Variants in POPDC1 observed in about 807,000 individuals in gnomAD.
POPDC1 encodes popeye domain-containing protein 1.
At chr6:105,106,811 A>G in the POPDC1 span, among the ~76,000 whole-genome samples, 1 of 152,038 alleles carries the variant, frequency 6.6e-6, no homozygotes, top group Non-Finnish European at 1.5e-5. Context: ...TTTTTTTAGT[A>G]TAAAATATTT....
At chr6:105,105,569 C>G in the POPDC1 span, among the ~76,000 whole-genome samples, 3 of 152,230 alleles carry the variant, frequency 2.0e-5, no homozygotes, top group Non-Finnish European at 1.5e-5. Context: ...TGGAAAGATT[C>G]AGAGTCCATC....
At chr6:105,135,772 T>C in the POPDC1 span, among the ~76,000 whole-genome samples, 9 of 152,124 alleles carry the variant, frequency 5.9e-5, no homozygotes, top group Non-Finnish European at 1.2e-4. Context: ...TAATTGTCTA[T>C]TGTGAAATGC....
chr6:105,121,112 T>G, the POPDC1 span, among the ~76,000 whole-genome samples: 1 of 152,162 alleles, frequency 6.6e-6, no homozygotes, highest in Non-Finnish European at 1.5e-5. Flanking sequence ...AATAAAACTT[T>G]GATTTTTGGG....
chr6:105,117,191 T>C, the POPDC1 span, among the ~76,000 whole-genome samples: 1 of 152,318 alleles, frequency 6.6e-6, no homozygotes, highest in African/African-American at 2.4e-5. Context: ...CCACTGGACA[T>C]ATGACTTACA....
At chr6:105,127,353 C>A in the POPDC1 span, among the ~76,000 whole-genome samples, 1 of 152,156 alleles carries the variant, frequency 6.6e-6, no homozygotes, top group African/African-American at 2.4e-5. Flanking sequence ...TCAGAAAATG[C>A]AATCATTATC....
chr6:105,136,244 C>A, the POPDC1 span: 1 of 152,242 alleles, frequency 6.6e-6, no homozygotes, highest in Non-Finnish European at 1.5e-5. Flanking sequence ...TCAAAGCAGG[C>A]AGTTTCTGGG....
chr6:105,118,833 G>A, the POPDC1 span, among the ~76,000 whole-genome samples: 5 of 152,080 alleles, frequency 3.3e-5, no homozygotes, highest in Non-Finnish European at 7.4e-5. Context: ...TGCCAAATGA[G>A]AAGGACCAAA....
chr6:105,123,960 TG>T, the POPDC1 span, among the ~76,000 whole-genome samples: 1 of 152,194 alleles, frequency 6.6e-6, no homozygotes, highest in African/African-American at 2.4e-5. Flanking sequence ...AAGCATAAGA[TG>T]TTTTCTATAG....
chr6:105,125,427 G>C, the POPDC1 span: 2 of 1,614,180 alleles, frequency 1.2e-6, no homozygotes, highest in Non-Finnish European at 8.5e-7. Context: ...GTCATCAACT[G>C]AGGTTTTATC....
chr6:105,123,562 A>G, the POPDC1 span, among the ~76,000 whole-genome samples: 134,336 of 151,916 alleles, frequency 0.88, 60,242 homozygotes, highest in Non-Finnish European at 0.96. Context: ...CACCACGCCC[A>G]GCTAATTGTT....
chr6:105,115,920 G>C, the POPDC1 span: 2 of 1,321,114 alleles, frequency 1.5e-6, no homozygotes, highest in East Asian at 2.4e-5. Context: ...AAATACGTTA[G>C]TGCATTTAAA....
At chr6:105,107,793 G>A in the POPDC1 span, among the ~76,000 whole-genome samples, 3 of 152,170 alleles carry the variant, frequency 2.0e-5, no homozygotes, top group African/African-American at 7.2e-5. Context: ...TGGGAATGTG[G>A]AAGGATTTAA....
the POPDC1 span, chr6:105,097,646 T>C: frequency 6.6e-6 from 1 of 152,246 alleles, no homozygotes; most frequent in Non-Finnish European, 1.5e-5. Context: ...GACTCTGTCT[T>C]TGGGGCCGTG....
At chr6:105,129,409 A>C in the POPDC1 span, 1 of 1,612,094 alleles carries the variant, frequency 6.2e-7, no homozygotes, top group Non-Finnish European at 8.5e-7. Flanking sequence ...GATACGACAG[A>C]TGCAAAATGT....
chr6:105,119,680 G>A, the POPDC1 span, among the ~76,000 whole-genome samples: 80 of 152,210 alleles, frequency 5.3e-4, no homozygotes, highest in Middle Eastern at 6.8e-3. Flanking sequence ...GAAAAGAGTG[G>A]GTGAAGGAGT....
chr6:105,117,727 A>G, the POPDC1 span, among the ~76,000 whole-genome samples: 1 of 152,166 alleles, frequency 6.6e-6, no homozygotes, highest in African/African-American at 2.4e-5. Context: ...ATCAGCTGAC[A>G]CATCTGCCTG....
chr6:105,125,343 A>G, the POPDC1 span: 3 of 1,591,312 alleles, frequency 1.9e-6, no homozygotes, highest in Non-Finnish European at 2.6e-6. Flanking sequence ...AGAGGCCATG[A>G]AAAGATTAAA....
At chr6:105,125,532 T>C in the POPDC1 span, 1 of 1,613,972 alleles carries the variant, frequency 6.2e-7, no homozygotes, top group Non-Finnish European at 8.5e-7. Flanking sequence ...ACGGAGTGGT[T>C]CAAACAATCG....
At chr6:105,099,041 T>C in the POPDC1 span, 1 of 152,428 alleles carries the variant, frequency 6.6e-6, no homozygotes, top group Admixed American at 6.5e-5. Flanking sequence ...ATTTTTTTTG[T>C]AGAGATGGGG....
Sources: allele counts gnomAD v4.1 joint callset (sites outside exome capture counted in the v4.1 genomes callset), GRCh38; gene constraint gnomAD v4.1.1; transcripts MANE v1.5; gene names NCBI Gene and HGNC (gene_info 2026-07-23, HGNC 2026-07-21).